Variants in CACNB2 observed in about 807,000 individuals in gnomAD.
CACNB2 encodes the protein voltage-dependent L-type calcium channel subunit beta-2.
CACNB2 carries 42 observed loss-of-function variants against 73.3 expected under a neutral mutation model. The ratio of observed to expected loss-of-function variants is 0.57; its 90% CI spans 0.45 to 0.74. CACNB2 has a LOEUF of 0.74. CACNB2 is among the 30% of genes least tolerant of loss of function. The pLI, the probability that CACNB2 is intolerant of heterozygous loss-of-function variation, is 0.00. For missense variants in CACNB2, 940 were observed against 853.0 expected (o/e 1.10, Z -1.27); for synonymous variants, 348 against 310.3 (o/e 1.12, Z -1.28).
At chr10:18,442,972 G>A (rs61842002) in intron 3 of CACNB2, among the ~76,000 whole-genome samples, 1,057 of 13,394 alleles carry the variant, frequency 0.079, 155 homozygotes, top group African/African-American at 0.37. Flanking sequence ...ATATATATGT[G>A]TATATATATA....
intron 2 of CACNB2, among the ~76,000 whole-genome samples, chr10:18,270,137 A>C (rs1324076148): frequency 6.6e-6 from 1 of 152,212 alleles, no homozygotes; most frequent in Non-Finnish European, 1.5e-5. Context: ...CAGTCATGGC[A>C]GGAGGCAAAG....
rs555140021 is a variant in CACNB2 at position 18,465,053 on chromosome 10, G to A, written c.334-33302G>A. 7.9e-5 allele frequency among the ~76,000 whole-genome samples: 12 copies of A among 152,312 alleles called. No homozygotes were observed. The South Asian group carries it at 2.5e-3, about 32-fold the overall frequency. On this transcript the variant is annotated intron_variant, in intron 3 of 13. Coordinates refer to ENST00000324631, the MANE Select transcript of CACNB2 (RefSeq NM_201596.3). ...GGATATAGAAAACTAGAAACAGCCG[G>A]GCATGGTGGCTCACGCCTGTAATCC...
At chr10:18,419,008 C>T (rs930734332) in intron 3 of CACNB2, among the ~76,000 whole-genome samples, 1 of 152,330 alleles carries the variant, frequency 6.6e-6, no homozygotes, top group East Asian at 1.9e-4. Context: ...AGTCAACCTA[C>T]ATTCCTTACA....
chr10:18,227,513 G>A (rs1459583769), intron 2 of CACNB2, among the ~76,000 whole-genome samples: 1 of 152,216 alleles, frequency 6.6e-6, no homozygotes, highest in African/African-American at 2.4e-5. Flanking sequence ...TTCCATGAAA[G>A]GCACATAAAG....
intron 12 of CACNB2, 47 bp downstream of exon 12, chr10:18,536,243 CTTTTTTTTTTTTTTTTTT>C (rs904187820): frequency 1.8e-5 from 5 of 280,946 alleles, no homozygotes; most frequent in Non-Finnish European, 2.9e-5. Flanking sequence ...GAGATCAGAC[CTTTTTTTTTTTTTTTTTT>C]TTTTTTTTTT....
At chr10:18,499,525 GAATAGCTTGA>G (rs1356473852) in intron 4 of CACNB2, among the ~76,000 whole-genome samples, 1 of 147,756 alleles carries the variant, frequency 6.8e-6, no homozygotes, top group African/African-American at 2.5e-5. Flanking sequence ...TGAGGCAGAA[GAATAGCTTGA>G]ACCAGCGAGT....
At chr10:18,152,843 A>G (rs1564298737) in intron 2 of CACNB2, among the ~76,000 whole-genome samples, 1 of 152,142 alleles carries the variant, frequency 6.6e-6, no homozygotes, top group East Asian at 1.9e-4. Context: ...TATGTTTCAA[A>G]TAAGCAAGAC....
chr10:18,486,967 C>T (rs1051692422), intron 3 of CACNB2, among the ~76,000 whole-genome samples: 2 of 152,150 alleles, frequency 1.3e-5, no homozygotes, highest in Non-Finnish European at 2.9e-5. Context: ...CTCTCTCTCT[C>T]TTGCAAAGAG....
At chr10:18,525,834 T>C (rs769278239) in intron 9 of CACNB2, among the ~76,000 whole-genome samples, 1 of 152,220 alleles carries the variant, frequency 6.6e-6, no homozygotes, top group Non-Finnish European at 1.5e-5. Flanking sequence ...AAATGTTACA[T>C]TTCTTTTAAC....
At chr10:18,211,791 G>T (rs934267391) in intron 2 of CACNB2, among the ~76,000 whole-genome samples, 7 of 152,052 alleles carry the variant, frequency 4.6e-5, no homozygotes, top group African/African-American at 1.7e-4. Context: ...ATGCAGTAGA[G>T]TATTCCGTGG....
At chr10:18,298,637 A>G (rs1489758585) in intron 2 of CACNB2, among the ~76,000 whole-genome samples, 1 of 152,174 alleles carries the variant, frequency 6.6e-6, no homozygotes, top group African/African-American at 2.4e-5. Flanking sequence ...TTTTGTCTCC[A>G]CTACTCCAGC....
intron 2 of CACNB2, among the ~76,000 whole-genome samples, chr10:18,363,018 CA>C: frequency 6.6e-6 from 1 of 152,290 alleles, no homozygotes; most frequent in Non-Finnish European, 1.5e-5. Flanking sequence ...TACCTGTGAG[CA>C]AAAGCTGATT....
intron 2 of CACNB2, chr10:18,401,228 C>A: frequency 9.0e-7 from 1 of 1,116,020 alleles, no homozygotes; most frequent in Non-Finnish European, 1.3e-6. Context: ...GAGAGGGAAG[C>A]TAGGGAGATT....
chr10:18,413,894 G>A (rs1020647529), intron 3 of CACNB2, among the ~76,000 whole-genome samples: 6 of 152,242 alleles, frequency 3.9e-5, no homozygotes, highest in African/African-American at 1.4e-4. Context: ...AGGCAACTGG[G>A]GCACACAGCA....
At chr10:18,170,371 G>T (rs2033142079) in intron 2 of CACNB2, among the ~76,000 whole-genome samples, 1 of 152,192 alleles carries the variant, frequency 6.6e-6, no homozygotes, top group Non-Finnish European at 1.5e-5. Flanking sequence ...CCAGGGAAAG[G>T]TGAAAGAATA....
chr10:18,290,830 A>G (rs1250039257), intron 2 of CACNB2, among the ~76,000 whole-genome samples: 1 of 152,220 alleles, frequency 6.6e-6, no homozygotes, highest in Non-Finnish European at 1.5e-5. Flanking sequence ...CACTACTGAT[A>G]GTAGCAAAAT....
At chr10:18,519,744 C>T (rs1413747313) in intron 9 of CACNB2, 2 of 456,040 alleles carry the variant, frequency 4.4e-6, no homozygotes, top group East Asian at 7.0e-5. Context: ...ATTGAGTGTA[C>T]TGGCTTTCCT....
At chr10:18,539,087 TTACC>T in intron 13 of CACNB2, 139 bp from the exon 14 acceptor site, 1 of 1,028,774 alleles carries the variant, frequency 9.7e-7, no homozygotes, top group East Asian at 2.4e-5. Context: ...CCACTGGATG[TTACC>T]AAAGGGATGA....
At chr10:18,237,354 G>A (rs2131483351) in intron 2 of CACNB2, among the ~76,000 whole-genome samples, 1 of 152,294 alleles carries the variant, frequency 6.6e-6, no homozygotes, top group African/African-American at 2.4e-5. Flanking sequence ...GTCCTTATAA[G>A]AAGAGAAAAC....
Sources: allele counts gnomAD v4.1 joint callset (sites outside exome capture counted in the v4.1 genomes callset), GRCh38; gene constraint gnomAD v4.1.1; transcripts MANE v1.5; gene names NCBI Gene and HGNC (gene_info 2026-07-23, HGNC 2026-07-21).